WDR41: variants seen among roughly 807,000 people sequenced by gnomAD.
WDR41 encodes the protein WD repeat domain 41.
A neutral mutation model predicts 69.3 loss-of-function variants in WDR41; 63 were observed. The observed-to-expected ratio is 0.91, with a 90% confidence interval of 0.74 to 1.12. The LOEUF is 1.12. Among genes scored for constraint, WDR41 ranks in the 50% most tolerant of loss-of-function variants. WDR41 has a pLI of 0.00. For missense variants in WDR41, 543 were observed against 534.5 expected, an observed-to-expected ratio of 1.02 and a Z score of -0.16; for synonymous variants, 185 against 192.1, an observed-to-expected ratio of 0.96 and a Z score of 0.31.
chr5:77,566,784 C>T (rs1743640485), intron 1 of WDR41, among the ~76,000 whole-genome samples: 1 of 152,094 alleles, frequency 6.6e-6, no homozygotes, highest in African/African-American at 2.4e-5. Flanking sequence ...ACCTGCTATG[C>T]CTCAGGGTGC....
intron 2 of WDR41, among the ~76,000 whole-genome samples, chr5:77,473,687 T>C (rs147078084): frequency 1.8e-4 from 28 of 152,254 alleles, no homozygotes; most frequent in African/African-American, 6.0e-4. Flanking sequence ...AAAAGACACA[T>C]GAGAAAATGC....
In WDR41 at chr5:77,612,142, G is replaced by A. The variant is rs573044085; in HGVS notation, c.42+8337C>T. ...CAATAACAGGCTCTGAAATTGTGAC[G>A]ATAATCAATAGTTTACCAACCAAAA... On this transcript the variant is annotated intron_variant, in intron 1 of 5. Transcript: ENST00000509971. 7.9e-5 allele frequency among the ~76,000 whole-genome samples: 12 copies of A among 152,128 alleles called. No individual in the cohort carries two copies. In the South Asian group the frequency reaches 8.3e-4, roughly 11 times the overall value.
intron 1 of WDR41, among the ~76,000 whole-genome samples, chr5:77,616,783 C>T (rs1027075916): frequency 5.3e-5 from 8 of 152,146 alleles, no homozygotes; most frequent in East Asian, 1.9e-4. Context: ...GGAAAATCAC[C>T]GAAGCATGGA....
rs1379322401 is a variant in WDR41, at chr5:77,431,616, A to T, written c.*1519T>A. On this transcript the variant is annotated 3_prime_UTR_variant, in exon 13 of 13. Transcript: ENST00000296679. ...TGCTTCCAAAATTCATGTGATTTCTACCACTCCATTTGAATAGATTACTAT... is the reference window on the plus strand; with the variant it reads ...TGCTTCCAAAATTCATGTGATTTCTTCCACTCCATTTGAATAGATTACTAT... 2 of 152,134 alleles carry T rather than the reference A, an allele frequency of 1.3e-5. No homozygotes were observed. Among genetic ancestry groups the T allele is most frequent in the Admixed American group, 1.3e-4 (2 of 15,270 alleles). 9.4% of individuals were successfully genotyped at this position (152,134 alleles called of 1,614,324 possible).
chr5:77,502,265 G>A (rs541610770), intron 1 of WDR41, among the ~76,000 whole-genome samples: 1 of 152,178 alleles, frequency 6.6e-6, no homozygotes, highest in African/African-American at 2.4e-5. Flanking sequence ...GGAAGAAAGG[G>A]TATTAGTGAT....
intron 8 of WDR41, among the ~76,000 whole-genome samples, chr5:77,446,151 A>G (rs1419035404): frequency 6.6e-6 from 1 of 152,194 alleles, no homozygotes; most frequent in Non-Finnish European, 1.5e-5. Flanking sequence ...AGAGAGCAAA[A>G]TCATGAATGA....
chr5:77,584,207 C>A (rs370462946), intron 1 of WDR41, among the ~76,000 whole-genome samples: 44 of 152,202 alleles, frequency 2.9e-4, no homozygotes, highest in African/African-American at 8.2e-4. Flanking sequence ...CTGACCATTT[C>A]TATTCAACAT....
chr5:77,477,081 C>A (rs1205079438), intron 2 of WDR41, among the ~76,000 whole-genome samples: 1 of 148,262 alleles, frequency 6.7e-6, no homozygotes, highest in East Asian at 2.0e-4. Flanking sequence ...TAAAGAAGGC[C>A]ATTACATCAT....
At chr5:77,464,272 AAC>A (rs1800192951) in intron 3 of WDR41, among the ~76,000 whole-genome samples, 1 of 117,670 alleles carries the variant, frequency 8.5e-6, no homozygotes, top group Non-Finnish European at 1.8e-5. Context: ...CTTAGGAAAA[AAC>A]TTTTTTTTTT....
intron 1 of WDR41, among the ~76,000 whole-genome samples, chr5:77,604,707 A>G (rs756905681): frequency 2.5e-4 from 38 of 152,332 alleles, no homozygotes; most frequent in Non-Finnish European, 4.7e-4. Context: ...ACTACAGCAT[A>G]ATTATAATAG....
chr5:77,478,096 A>G (rs1271459342), intron 2 of WDR41, among the ~76,000 whole-genome samples: 1 of 152,228 alleles, frequency 6.6e-6, no homozygotes, highest in African/African-American at 2.4e-5. Context: ...AAATTCCTCG[A>G]CACATACACC....
intron 1 of WDR41, chr5:77,545,857 A>G: frequency 1.6e-6 from 1 of 644,114 alleles, no homozygotes; most frequent in Non-Finnish European, 2.6e-6. Context: ...CTGGCCAAGC[A>G]GTCCATTGTC....
intron 1 of WDR41, among the ~76,000 whole-genome samples, chr5:77,575,904 C>T (rs368172634): frequency 8.5e-5 from 13 of 152,276 alleles, no homozygotes; most frequent in East Asian, 3.9e-4. Flanking sequence ...ACCGAGTCTA[C>T]AAAATCCTTG....
intron 8 of WDR41, among the ~76,000 whole-genome samples, chr5:77,447,186 AG>A (rs1799419106): frequency 6.6e-6 from 1 of 152,276 alleles, no homozygotes; most frequent in Non-Finnish European, 1.5e-5. Flanking sequence ...TGATCATTAG[AG>A]AAATGCAAAT....
Position 77,464,691 on chromosome 5 carries a change from T to A in WDR41, c.216+70A>T. The A allele has an allele frequency of 6.8e-6, 10 of 1,476,604 alleles. No individual in the cohort carries two copies. In the Admixed American group the frequency reaches 1.7e-4, roughly 25 times the overall value. 91.5% of individuals were successfully genotyped at this position (1,476,604 alleles called of 1,614,324 possible). ...TATGTAAATGTATCCCCAGATAGTATTTATATGAATACATACTCAACTACA... is the reference window on the plus strand; with the variant it reads ...TATGTAAATGTATCCCCAGATAGTAATTATATGAATACATACTCAACTACA... On this transcript the variant is annotated intron_variant, in intron 3 of 12. Transcript: ENST00000296679.
chr5:77,489,581 G>GAA lies in WDR41; in HGVS notation c.52-11_52-10dup, dbSNP rs1554032661. ...GTCTGTAAAGGAGATTTCTTGTATT[G>GAA]AAAAAAAAAAAAAAGCAAAAAACAA... On this transcript the variant is annotated splice_polypyrimidine_tract_variant and intron_variant, in intron 1 of 12. Coordinates refer to ENST00000296679, the MANE Select transcript of WDR41 (RefSeq NM_018268.4). 303 of 1,002,478 alleles carry GAA rather than the reference G, an allele frequency of 3.0e-4. No homozygotes were observed. Among genetic ancestry groups the GAA allele is most frequent in the South Asian group, 6.4e-4 (39 of 60,848 alleles). 62.1% of individuals were successfully genotyped at this position (1,002,478 alleles called of 1,614,324 possible). A position where few individuals can be genotyped will look rare whatever the true frequency, so the allele number is the denominator to read the frequency against.
intron 1 of WDR41, among the ~76,000 whole-genome samples, chr5:77,499,016 G>C (rs149971033): frequency 1.1e-3 from 166 of 152,202 alleles, no homozygotes; most frequent in East Asian, 0.011. Flanking sequence ...TTGCAAATTA[G>C]GTAGGTGAAA....
chr5:77,568,759 G>T (rs1341975036), intron 1 of WDR41, among the ~76,000 whole-genome samples: 1 of 152,096 alleles, frequency 6.6e-6, no homozygotes, highest in Admixed American at 6.6e-5. Flanking sequence ...AACCAGGAAG[G>T]TTACTGTAAC....
chr5:77,465,799 A>C (rs1350097526), intron 2 of WDR41, among the ~76,000 whole-genome samples: 2 of 151,478 alleles, frequency 1.3e-5, no homozygotes, highest in Non-Finnish European at 3.0e-5. Flanking sequence ...CTGGCCCCTT[A>C]TAATTAACAG....
Sources: gnomAD v4.1 joint callset for allele counts (sites outside exome capture counted in the v4.1 genomes callset) on GRCh38, gnomAD v4.1.1 for gene constraint, MANE v1.5 for transcripts, NCBI Gene and HGNC (gene_info 2026-07-23, HGNC 2026-07-21) for gene names.